PKHD1: variants seen among roughly 807,000 people sequenced by gnomAD.
The protein encoded by PKHD1 is fibrocystin.
A neutral mutation model predicts 412.0 loss-of-function variants in PKHD1; 291 were observed. That is an observed-to-expected ratio of 0.71 (90% CI 0.64 to 0.78). The LOEUF (loss-of-function observed/expected upper bound fraction) is 0.78, where lower values mean the gene tolerates loss of function less well. Among genes scored for constraint, PKHD1 ranks in the 30% least tolerant of loss-of-function variants. The probability of loss-of-function intolerance (pLI) is 0.00; values close to 1 mark genes in which losing one functional copy is unlikely to be tolerated. For synonymous variants in PKHD1, 1,777 were observed against 1,821.5 expected, an observed-to-expected ratio of 0.98 and a Z score of 0.62; for missense variants, 4,825 against 4,950.7, an observed-to-expected ratio of 0.97 and a Z score of 0.76.
intron 52 of PKHD1, 26 bp from the exon 53 acceptor site, chr6:51,791,399 G>T (rs781579631): frequency 3.1e-6 from 5 of 1,610,064 alleles, no homozygotes; most frequent in Non-Finnish European, 4.2e-6. Context: ...AAATTGCTCA[G>T]ATATGTCACA....
chr6:51,750,104 G>A, intron 57 of PKHD1, among the ~76,000 whole-genome samples: 1 of 151,976 alleles, frequency 6.6e-6, no homozygotes, highest in Admixed American at 6.6e-5. Flanking sequence ...TTGCAAATCG[G>A]CTGCCATGAA....
intron 60 of PKHD1, among the ~76,000 whole-genome samples, chr6:51,711,229 C>T (rs1275766545): frequency 2.0e-5 from 3 of 152,182 alleles, no homozygotes; most frequent in Non-Finnish European, 4.4e-5. Flanking sequence ...CTGAGAAAGC[C>T]TCACAAGATC....
At chr6:51,804,881 A>G (rs1288902474) in intron 52 of PKHD1, among the ~76,000 whole-genome samples, 1 of 152,208 alleles carries the variant, frequency 6.6e-6, no homozygotes, top group Non-Finnish European at 1.5e-5. Flanking sequence ...AAAAAATAAT[A>G]GATGCTGACG....
intron 52 of PKHD1, among the ~76,000 whole-genome samples, chr6:51,794,373 G>A (rs895456658): frequency 2.0e-5 from 3 of 151,994 alleles, no homozygotes; most frequent in African/African-American, 7.3e-5. Flanking sequence ...ACTTTTTAAT[G>A]GGGTTGTTTT....
intron 33 of PKHD1, among the ~76,000 whole-genome samples, chr6:52,021,388 G>A (rs1031225255): frequency 5.9e-5 from 9 of 152,032 alleles, no homozygotes; most frequent in South Asian, 4.2e-4. Flanking sequence ...ATAATAACAC[G>A]GGGCTTTTAA....
At chr6:51,928,952 C>G (rs928009670) in intron 37 of PKHD1, among the ~76,000 whole-genome samples, 4 of 152,054 alleles carry the variant, frequency 2.6e-5, no homozygotes, top group African/African-American at 9.7e-5. Context: ...CCCCTAAAAC[C>G]AAACAATTTC....
At chr6:51,945,920 T>TA (rs527754035) in intron 36 of PKHD1, among the ~76,000 whole-genome samples, 1 of 152,234 alleles carries the variant, frequency 6.6e-6, no homozygotes, top group Non-Finnish European at 1.5e-5. Flanking sequence ...TTCTCATAGT[T>TA]ACATTTAAGG....
intron 36 of PKHD1, among the ~76,000 whole-genome samples, chr6:51,950,569 C>CTCAT (rs1355204967): frequency 6.6e-6 from 1 of 152,094 alleles, no homozygotes; most frequent in African/African-American, 2.4e-5. Flanking sequence ...ACTACTGGGC[C>CTCAT]TCATTCCCAG....
rs148077651 is a variant in PKHD1 at position 51,884,192 on chromosome 6, T to C, written c.7216-965A>G. On this transcript the variant is annotated intron_variant, in intron 45 of 66. Transcript: ENST00000371117. ...ATGACTCATTTGAAGTTAATTTTTGTAAGTAGCATAAATTAAGGTAGGATA... is the reference window on the plus strand; with the variant it reads ...ATGACTCATTTGAAGTTAATTTTTGCAAGTAGCATAAATTAAGGTAGGATA... Among the ~76,000 whole-genome samples the C allele has an allele frequency of 8.3e-4, 126 of 152,330 alleles. 1 individual carries two copies. The highest frequency in any genetic ancestry group is 1.5e-3 in the Non-Finnish European group (104 of 68,034).
At chr6:51,683,304 T>C (rs559731263) in intron 60 of PKHD1, among the ~76,000 whole-genome samples, 5 of 151,952 alleles carry the variant, frequency 3.3e-5, no homozygotes, top group Non-Finnish European at 5.9e-5. Flanking sequence ...AAAACATAAC[T>C]AGATTACAGA....
chr6:51,684,813 C>G (rs1777199353), intron 60 of PKHD1, among the ~76,000 whole-genome samples: 1 of 152,064 alleles, frequency 6.6e-6, no homozygotes, highest in South Asian at 2.1e-4. Flanking sequence ...AAAAGTTTGG[C>G]AAAAGGGCAA....
At chr6:51,621,535 C>T (rs1222910894) in intron 66 of PKHD1, among the ~76,000 whole-genome samples, 1 of 152,126 alleles carries the variant, frequency 6.6e-6, no homozygotes, top group Non-Finnish European at 1.5e-5. Flanking sequence ...GAAATCTTTT[C>T]CCCCTTGTTC....
chr6:52,021,100 T>C (rs1408825654), intron 33 of PKHD1, among the ~76,000 whole-genome samples: 1 of 152,166 alleles, frequency 6.6e-6, no homozygotes, highest in African/African-American at 2.4e-5. Flanking sequence ...GAAAGGAAAA[T>C]TAGTTAAATT....
chr6:51,760,812 G>A (rs151258482), intron 55 of PKHD1, among the ~76,000 whole-genome samples: 11 of 152,180 alleles, frequency 7.2e-5, no homozygotes, highest in African/African-American at 2.6e-4. Flanking sequence ...AAAGGATGAG[G>A]TAACAAATGA....
chr6:52,083,303 C>T, intron 2 of PKHD1, 48 bp from the exon 3 acceptor site: 1 of 1,132,022 alleles, frequency 8.8e-7, no homozygotes. Flanking sequence ...CAGATTCAAA[C>T]CACTACCTTC....
At chr6:51,895,584 C>A (rs1779783209) in intron 43 of PKHD1, among the ~76,000 whole-genome samples, 1 of 151,784 alleles carries the variant, frequency 6.6e-6, no homozygotes, top group African/African-American at 2.4e-5. Flanking sequence ...TTTTTTTGAG[C>A]AACTACCATG....
At chr6:51,847,648 T>C in intron 50 of PKHD1, 127 bp downstream of exon 50, 1 of 766,756 alleles carries the variant, frequency 1.3e-6, no homozygotes, top group Non-Finnish European at 2.3e-6. Flanking sequence ...GAACATTCAC[T>C]CAACCATAAC....
At position 52,082,311 on chromosome 6, in the gene PKHD1, C is replaced by T; in HGVS notation, c.281+81G>A. Reference sequence around the variant, plus strand: ...GGCAATTGAATCACAGCAAAAATTGCTCTAATATGTCACCAAAAGATACTG... The same window carrying T: ...GGCAATTGAATCACAGCAAAAATTGTTCTAATATGTCACCAAAAGATACTG... On this transcript the variant is annotated intron_variant, in intron 4 of 66. Transcript: ENST00000371117. 2.1e-6 allele frequency: 3 copies of T among 1,406,648 alleles called. No individual in the cohort carries two copies. In the South Asian group the frequency reaches 3.5e-5, roughly 16 times the overall value. 87.1% of individuals were successfully genotyped at this position (1,406,648 alleles called of 1,614,324 possible). A position where few individuals can be genotyped will look rare whatever the true frequency, so the allele number is the denominator to read the frequency against.
At chr6:51,938,645 A>C (rs891743273) in intron 36 of PKHD1, among the ~76,000 whole-genome samples, 2 of 151,416 alleles carry the variant, frequency 1.3e-5, no homozygotes, top group East Asian at 1.9e-4. Context: ...CTTGTTGCTC[A>C]TACAAAACCT....
Sources: gnomAD v4.1 joint callset for allele counts (sites outside exome capture counted in the v4.1 genomes callset) on GRCh38, gnomAD v4.1.1 for gene constraint, MANE v1.5 for transcripts, NCBI Gene and HGNC (gene_info 2026-07-23, HGNC 2026-07-21) for gene names.